Variants in DENND1A observed in about 807,000 individuals in gnomAD.
The protein encoded by DENND1A is DENN domain containing 1A, also known as DENN domain-containing protein 1A.
In DENND1A, 51 loss-of-function variants were observed where a neutral mutation model predicts 113.7. The observed-to-expected ratio is 0.45, with a 90% CI of 0.36 to 0.57. The LOEUF (loss-of-function observed/expected upper bound fraction) is 0.57. Among genes scored for constraint, DENND1A ranks in the 20% least tolerant of loss-of-function variants. The probability of loss-of-function intolerance (pLI) is 0.00; values close to 1 mark genes in which losing one functional copy is unlikely to be tolerated. For synonymous variants in DENND1A, 565 were observed against 570.8 expected (o/e 0.99, Z 0.14); for missense variants, 1,258 against 1,395.9 (o/e 0.90, Z 1.57).
At chr9:123,484,905 T>C (rs2050663086) in intron 13 of DENND1A, among the ~76,000 whole-genome samples, 1 of 152,180 alleles carries the variant, frequency 6.6e-6, no homozygotes, top group South Asian at 2.1e-4. Context: ...CTGGGGCAAG[T>C]GACATCCTCC....
At chr9:123,462,003 T>C (rs962325995) in intron 13 of DENND1A, 1 of 152,212 alleles carries the variant, frequency 6.6e-6, no homozygotes, top group Non-Finnish European at 1.5e-5. Flanking sequence ...GAAAACATGA[T>C]AAGTGGACAC....
At chr9:123,571,260 C>A (rs970673353) in intron 12 of DENND1A, among the ~76,000 whole-genome samples, 8 of 152,204 alleles carry the variant, frequency 5.3e-5, no homozygotes, top group African/African-American at 1.2e-4. Flanking sequence ...GGAACTCCAC[C>A]TTTAAAATTA....
chr9:123,638,062 CA>C (rs1385156876), intron 9 of DENND1A, among the ~76,000 whole-genome samples: 1 of 152,134 alleles, frequency 6.6e-6, no homozygotes, highest in Non-Finnish European at 1.5e-5. Flanking sequence ...CACAGGCAAT[CA>C]ACCGCCTGCT....
intron 2 of DENND1A, among the ~76,000 whole-genome samples, chr9:123,874,221 A>T (rs1332669989): frequency 6.6e-6 from 1 of 151,886 alleles, no homozygotes; most frequent in Non-Finnish European, 1.5e-5. Flanking sequence ...AAAAAACGAA[A>T]AAAAGGAAAT....
chr9:123,450,596 C>T (rs1342027774), intron 18 of DENND1A, 97 bp downstream of exon 18: 1 of 924,682 alleles, frequency 1.1e-6, no homozygotes, highest in Non-Finnish European at 1.7e-6. Context: ...GTTAACAACA[C>T]TGTATCAAAC....
intron 3 of DENND1A, among the ~76,000 whole-genome samples, chr9:123,791,845 A>G (rs868811292): frequency 7.9e-5 from 12 of 152,216 alleles, no homozygotes; most frequent in African/African-American, 2.9e-4. Flanking sequence ...TAAAAAGTAT[A>G]CCAAATTGCA....
intron 5 of DENND1A, among the ~76,000 whole-genome samples, chr9:123,689,973 A>G (rs2065059234): frequency 6.6e-6 from 1 of 150,468 alleles, no homozygotes; most frequent in Non-Finnish European, 1.5e-5. Flanking sequence ...TGAGTGACAC[A>G]GCAAGAGTCT....
chr9:123,500,798 A>G (rs2052412134), intron 13 of DENND1A, among the ~76,000 whole-genome samples: 1 of 152,202 alleles, frequency 6.6e-6, no homozygotes, highest in Non-Finnish European at 1.5e-5. Context: ...CCATACTCAA[A>G]TCTGGGTGTT....
chr9:123,851,100 T>C (rs565066562), intron 2 of DENND1A, among the ~76,000 whole-genome samples: 1 of 152,318 alleles, frequency 6.6e-6, no homozygotes, highest in Non-Finnish European at 1.5e-5. Context: ...TTTTGACATA[T>C]GTGTACATCC....
intron 13 of DENND1A, among the ~76,000 whole-genome samples, chr9:123,521,408 T>G (rs1047115332): frequency 6.6e-6 from 1 of 152,226 alleles, no homozygotes; most frequent in African/African-American, 2.4e-5. Context: ...TTGTTACAAC[T>G]TTGGGCAAGT....
At chr9:123,885,098 C>T (rs1370848927) in intron 1 of DENND1A, among the ~76,000 whole-genome samples, 1 of 151,974 alleles carries the variant, frequency 6.6e-6, no homozygotes, top group East Asian at 1.9e-4. Flanking sequence ...AAGTGCCCCA[C>T]CTTTATGCTC....
intron 13 of DENND1A, among the ~76,000 whole-genome samples, chr9:123,505,701 C>T (rs558809288): frequency 7.9e-5 from 12 of 152,120 alleles, no homozygotes; most frequent in Non-Finnish European, 1.3e-4. Context: ...TGAACCGGAA[C>T]GTGAAATATT....
chr9:123,772,177 A>G (rs1044364894), intron 3 of DENND1A, among the ~76,000 whole-genome samples: 2 of 152,208 alleles, frequency 1.3e-5, no homozygotes, highest in African/African-American at 4.8e-5. Flanking sequence ...TAATAAATCA[A>G]TTAAATAAAC....
intron 2 of DENND1A, among the ~76,000 whole-genome samples, chr9:123,862,660 T>C (rs896414774): frequency 6.6e-6 from 1 of 152,156 alleles, no homozygotes; most frequent in African/African-American, 2.4e-5. Context: ...ATCTGTAACA[T>C]AGTTTATCTT....
intron 22 of DENND1A, 47 bp from the exon 23 acceptor site, chr9:123,383,960 G>C (rs1028757296): frequency 6.3e-7 from 1 of 1,576,232 alleles, no homozygotes; most frequent in African/African-American, 1.3e-5. Context: ...GGCCTTCAGG[G>C]GAGGAGCAAG....
intron 19 of DENND1A, among the ~76,000 whole-genome samples, chr9:123,420,810 A>C (rs1189902342): frequency 6.8e-6 from 1 of 147,844 alleles, no homozygotes; most frequent in Non-Finnish European, 1.5e-5. Flanking sequence ...GCTGTGAGGG[A>C]AGGCTGCGTG....
At chr9:123,732,078 C>A (rs1200509998) in intron 5 of DENND1A, among the ~76,000 whole-genome samples, 1 of 152,214 alleles carries the variant, frequency 6.6e-6, no homozygotes, top group South Asian at 2.1e-4. Context: ...GGAACTCTGA[C>A]ACCTTGCTTG....
chr9:123,498,648 CT>C (rs774083411), intron 13 of DENND1A, among the ~76,000 whole-genome samples: 1 of 152,044 alleles, frequency 6.6e-6, no homozygotes, highest in Non-Finnish European at 1.5e-5. Context: ...GGGGCCAGGG[CT>C]TTGGGGTCCA....
chr9:123,922,356 C>T (rs1300480376), intron 1 of DENND1A, among the ~76,000 whole-genome samples: 1 of 152,118 alleles, frequency 6.6e-6, no homozygotes, highest in African/African-American at 2.4e-5. Flanking sequence ...TTCTTCCTAT[C>T]AGTAAAAAAG....
Sources: gnomAD v4.1 joint callset for allele counts (sites outside exome capture counted in the v4.1 genomes callset) on GRCh38, gnomAD v4.1.1 for gene constraint, MANE v1.5 for transcripts, NCBI Gene and HGNC (gene_info 2026-07-23, HGNC 2026-07-21) for gene names.